Variants in DNAH8 observed in about 807,000 individuals in gnomAD.
DNAH8 encodes dynein axonemal heavy chain 8.
Under a neutral mutation model 562.1 loss-of-function variants are expected in DNAH8, and 382 were observed. The observed-to-expected ratio is 0.68, with a 90% CI of 0.63 to 0.74. DNAH8 has a LOEUF of 0.74. Among genes scored for constraint, DNAH8 ranks in the 30% least tolerant of loss-of-function variants. The pLI is 0.00. For missense variants in DNAH8, 5,203 were observed against 5,620.4 expected (o/e 0.93, Z 2.37); for synonymous variants, 1,881 against 1,919.4 (o/e 0.98, Z 0.52).
At position 38,896,180 on chromosome 6, in the gene DNAH8, T is replaced by G. The variant is rs767489659; in HGVS notation, c.8895T>G (p.Asp2965Glu). 1 of 1,614,118 alleles carries G rather than the reference T, an allele frequency of 6.2e-7. No individual in the cohort carries two copies. Reference protein sequence around the residue: ...FLREMPEPTGDEPEDSVFEVP... With the variant: ...FLREMPEPTGEEPEDSVFEVP... Reference sequence around the variant, plus strand: ...GTGAGATGCCAGAACCAACTGGTGATGAACCTGAAGACTCTGTGTTTGAAG... The same window carrying G: ...GTGAGATGCCAGAACCAACTGGTGAGGAACCTGAAGACTCTGTGTTTGAAG... The change falls in exon 60 of 93, where the codon GAT (aspartate) becomes GAG (glutamate). Residue 2965 changes from aspartate to glutamate, a missense_variant. This residue lies in a region of DNAH8 where 977 missense variants were observed against 1,061.8 expected (regional missense o/e 0.92). Transcript: ENST00000327475.
At chr6:38,917,531 T>G (rs569614697) in intron 69 of DNAH8, 125 bp downstream of exon 69, 1 of 791,404 alleles carries the variant, frequency 1.3e-6, no homozygotes, top group Non-Finnish European at 2.0e-6. Flanking sequence ...AAGTTTATCT[T>G]AAACTCCATC....
chr6:38,807,887 C>T (rs1338147272), intron 24 of DNAH8, among the ~76,000 whole-genome samples, 171 bp downstream of exon 24: 2 of 152,104 alleles, frequency 1.3e-5, no homozygotes, highest in Non-Finnish European at 2.9e-5. Context: ...AATGAACACC[C>T]ATATTCCCAA....
intron 85 of DNAH8, among the ~76,000 whole-genome samples, chr6:38,975,891 T>A (rs563183843): frequency 1.3e-5 from 2 of 152,322 alleles, no homozygotes; most frequent in South Asian, 4.1e-4. Context: ...GGAGAGCTGG[T>A]TGGGGGTATT....
intron 28 of DNAH8, among the ~76,000 whole-genome samples, chr6:38,824,764 T>C (rs1773161752): frequency 6.6e-6 from 1 of 152,112 alleles, no homozygotes. Context: ...CTTAGCATAG[T>C]ACCTGGCGTA....
chr6:38,886,332 C>T (rs1274592509), intron 56 of DNAH8, among the ~76,000 whole-genome samples: 1 of 151,958 alleles, frequency 6.6e-6, no homozygotes, highest in Non-Finnish European at 1.5e-5. Flanking sequence ...TTGGAGGATG[C>T]AGAGAAGATA....
At chr6:38,748,755 A>AAATAATAATAATAATAATAAT (rs57398991) in intron 8 of DNAH8, among the ~76,000 whole-genome samples, 3 of 138,618 alleles carry the variant, frequency 2.2e-5, no homozygotes, top group South Asian at 2.4e-4. Flanking sequence ...CTCCGTCTCA[A>AAATAATAATAATAATAATAAT]AATAATAATA....
Position 38,886,869 on chromosome 6 carries a change from A to G in DNAH8, c.8338A>G (p.Ile2780Val), listed in dbSNP as rs116401640. The change falls in exon 57 of 93, where the codon ATT (isoleucine) becomes GTT (valine). Residue 2780 changes from isoleucine to valine, a missense_variant. By Grantham distance (29) the Ile-to-Val change is conservative (BLOSUM62 3). This residue lies in a region of DNAH8 where 977 missense variants were observed against 1,061.8 expected (regional missense o/e 0.92). Transcript: ENST00000327475. ...GGACAAGCCTGGAGACTTCACTACT[A>G]TTGTTGATGTGCAGCTCATAGCAGC... ...SLDKPGDFTT[I>V]VDVQLIAAMI... The G allele has an allele frequency of 6.9e-4, 1,109 of 1,614,066 alleles. 8 individuals carry two copies. In the African/African-American group the frequency reaches 0.013, roughly 19 times the overall value.
chr6:38,751,312 G>T (rs945972231), intron 9 of DNAH8, among the ~76,000 whole-genome samples: 6 of 152,178 alleles, frequency 3.9e-5, no homozygotes, highest in Non-Finnish European at 8.8e-5. Context: ...ACCCAAGTTG[G>T]AATCTACCTT....
rs12198519 is a variant in DNAH8, at chr6:39,012,793, T to C, written c.13714+156T>C. Among the ~76,000 whole-genome samples, 17,085 of 152,238 alleles carry C rather than the reference T, an allele frequency of 0.11. 1,149 individuals are homozygous for C. Among genetic ancestry groups the C allele is most frequent in the Admixed American group, 0.2 (3,007 of 15,284 alleles). On this transcript the variant is annotated intron_variant, in intron 91 of 92. Coordinates refer to ENST00000327475, the MANE Select transcript of DNAH8 (RefSeq NM_001206927.2). ...AAGGCGAAAGAACACAAATAATTCT[T>C]CTGTATTTGTTTTACAAATTCAATC...
Position 39,012,633 on chromosome 6 carries a change from C to T in DNAH8, c.13710C>T (p.Pro4570=), listed in dbSNP as rs759926750. Residue 4570 remains proline (P), a synonymous_variant, in exon 91 of 93, where the codon CCC becomes CCT. Transcript: ENST00000327475. ...TTTGGATGACTGGTTTCTTTAATCC[C>T]CAAGGTATGTGCTCATAGGAGATTT... The part of the protein sequence containing the change: ...NVFWMTGFFN[P]QGFLTAMRQE... 1.9e-6 allele frequency: 3 copies of T among 1,612,362 alleles called. No individual in the cohort carries two copies. Among genetic ancestry groups the T allele is most frequent in the South Asian group, 2.2e-5 (2 of 91,008 alleles).
At position 38,795,687 on chromosome 6, in the gene DNAH8, T is replaced by C. The variant is rs149710223; in HGVS notation, c.2901+4013T>C. ...ACTTGCCCTGGAGTGATCTAAGATC[T>C]AGTAACAGTTGGGCTGTCTTCTCAC... is the stretch of plus-strand genomic sequence containing the variant. On this transcript the variant is annotated intron_variant, in intron 21 of 92. Transcript: ENST00000327475. Among the ~76,000 whole-genome samples, 19 of 152,182 alleles carry C rather than the reference T, an allele frequency of 1.2e-4. No individual in the cohort carries two copies. The East Asian group carries it at 3.7e-3, about 29-fold the overall frequency.
At chr6:38,926,923 G>A (rs1182206907) in intron 74 of DNAH8, among the ~76,000 whole-genome samples, 1 of 152,084 alleles carries the variant, frequency 6.6e-6, no homozygotes, top group Non-Finnish European at 1.5e-5. Context: ...AACCTGTCCT[G>A]AATCCTCACA....
chr6:38,976,179 T>C (rs954912979), intron 85 of DNAH8, among the ~76,000 whole-genome samples: 9 of 152,252 alleles, frequency 5.9e-5, no homozygotes, highest in Non-Finnish European at 2.9e-5. Context: ...GCCTGGACTT[T>C]CGTGCTTGCT....
intron 31 of DNAH8, among the ~76,000 whole-genome samples, chr6:38,833,253 T>TA (rs398110046): frequency 6.6e-6 from 1 of 152,054 alleles, no homozygotes; most frequent in African/African-American, 2.4e-5. Context: ...CTTTTTTTTT[T>TA]AACATGTGCT....
intron 87 of DNAH8, among the ~76,000 whole-genome samples, chr6:38,989,413 A>G (rs1764631506): frequency 6.6e-6 from 1 of 152,230 alleles, no homozygotes. Flanking sequence ...ATTCATATGG[A>G]ATAAGAAAGG....
chr6:38,772,971 C>CTTTTTTTTTTTTTTTTTTTTTTTTTTTTT (rs58784448), intron 12 of DNAH8, among the ~76,000 whole-genome samples: 7 of 88,088 alleles, frequency 7.9e-5, no homozygotes, highest in Admixed American at 2.6e-4. Flanking sequence ...GCTAATTAAA[C>CTTTTTTTTTTTTTTTTTTTTTTTTTTTTT]TTTTTTTTTT....
intron 87 of DNAH8, among the ~76,000 whole-genome samples, chr6:38,985,792 GCCT>G (rs1213828985): frequency 3.3e-5 from 5 of 152,190 alleles, no homozygotes; most frequent in Admixed American, 6.5e-5. Context: ...GCATTCAAGT[GCCT>G]CCTCCCCAGC....
intron 84 of DNAH8, 114 bp from the exon 85 acceptor site, chr6:38,974,260 C>A: frequency 1.2e-6 from 1 of 834,262 alleles, no homozygotes; most frequent in South Asian, 2.2e-5. Flanking sequence ...AAATTCAAAA[C>A]ACTTCCAGTC....
At chr6:38,956,688 A>G (rs1301575282) in intron 82 of DNAH8, among the ~76,000 whole-genome samples, 1 of 152,200 alleles carries the variant, frequency 6.6e-6, no homozygotes, top group Non-Finnish European at 1.5e-5. Context: ...ACAAAACAAA[A>G]CAAAACAACA....
Sources: gnomAD v4.1 joint callset for allele counts (sites outside exome capture counted in the v4.1 genomes callset) on GRCh38, gnomAD v4.1.1 for gene constraint, gnomAD v4.1.1 regional missense constraint, MANE v1.5 for transcripts, NCBI Gene and HGNC (gene_info 2026-07-23, HGNC 2026-07-21) for gene names.